Variants in SHC4 observed in about 807,000 individuals in gnomAD.
The protein encoded by SHC4 is SHC adaptor protein 4, also known as SHC-transforming protein 4.
In SHC4, 41 loss-of-function variants were observed where a neutral mutation model predicts 69.4. That is an observed-to-expected ratio of 0.59 (90% CI 0.46 to 0.77). The LOEUF (loss-of-function observed/expected upper bound fraction) is 0.77, where lower values mean the gene tolerates loss of function less well. Among genes scored for constraint, SHC4 ranks in the 30% least tolerant of loss-of-function variants. The pLI, the probability that SHC4 is intolerant of heterozygous loss-of-function variation, is 0.00. For synonymous variants in SHC4, 318 were observed against 299.3 expected, an observed-to-expected ratio of 1.06 and a Z score of -0.64; for missense variants, 777 against 783.8, an observed-to-expected ratio of 0.99 and a Z score of 0.10.
chr15:48,881,671 A>T (rs1296357974), intron 4 of SHC4, among the ~76,000 whole-genome samples: 1 of 152,210 alleles, frequency 6.6e-6, no homozygotes, highest in Non-Finnish European at 1.5e-5. Context: ...TCAGTAAAGA[A>T]TTAGTGGGAG....
intron 3 of SHC4, 128 bp downstream of exon 3, chr15:48,890,620 G>T: frequency 9.8e-7 from 1 of 1,022,836 alleles, no homozygotes; most frequent in Non-Finnish European, 1.5e-6. Flanking sequence ...GTGCAGCTCT[G>T]ATATCACGCC....
intron 9 of SHC4, among the ~76,000 whole-genome samples, chr15:48,848,359 C>T (rs1288086207): frequency 1.3e-5 from 2 of 152,188 alleles, no homozygotes. Context: ...TTCTTAACTG[C>T]AAACACCATC....
chr15:48,873,908 T>C (rs1320397609), intron 4 of SHC4, among the ~76,000 whole-genome samples: 1 of 152,164 alleles, frequency 6.6e-6, no homozygotes, highest in Non-Finnish European at 1.5e-5. Flanking sequence ...TATATATCAC[T>C]CTCATGGATG....
At position 48,851,190 on chromosome 15, in the gene SHC4, A is replaced by G. The variant is rs1402389513; in HGVS notation, c.1301T>C (p.Ile434Thr). 6.2e-7 allele frequency: 1 copy of G among 1,613,982 alleles called. No individual in the cohort carries two copies. Among genetic ancestry groups the G allele is most frequent in the African/African-American group, 1.3e-5 (1 of 75,062 alleles). Residue 434 changes from isoleucine (I) to threonine (T), a missense_variant and splice_region_variant, in exon 9 of 12, where the codon ATA becomes ACA. By Grantham distance (89) the Ile-to-Thr change is moderately conservative. Transcript: ENST00000332408. Reference protein sequence around the residue: ...YENCLEQSRAIGNVHPRGVQS... With the variant: ...YENCLEQSRATGNVHPRGVQS... The stretch of plus-strand genomic sequence containing the variant: ...ATGGAGAAGGGCATTGTACCTACCT[A>G]TTGCCCTGCTTTGTTCTAAACAGTT...
At chr15:48,897,172 T>G (rs928733697) in intron 2 of SHC4, among the ~76,000 whole-genome samples, 1 of 152,126 alleles carries the variant, frequency 6.6e-6, no homozygotes, top group Non-Finnish European at 1.5e-5. Context: ...GGCTAAAGAT[T>G]TCCATCCTGG....
chr15:48,868,048 T>G (rs1389587298), intron 5 of SHC4, among the ~76,000 whole-genome samples, 179 bp from the exon 6 acceptor site: 1 of 152,210 alleles, frequency 6.6e-6, no homozygotes, highest in Non-Finnish European at 1.5e-5. Context: ...GTTTAACAAT[T>G]ATGGAGTCCA....
At chr15:48,882,726 C>A (rs577642162) in intron 4 of SHC4, among the ~76,000 whole-genome samples, 1 of 152,278 alleles carries the variant, frequency 6.6e-6, no homozygotes, top group Admixed American at 6.5e-5. Flanking sequence ...CTGAGATAAC[C>A]CGAGGGCTCC....
intron 10 of SHC4, among the ~76,000 whole-genome samples, chr15:48,836,334 T>C (rs1295097450): frequency 6.6e-6 from 1 of 152,168 alleles, no homozygotes; most frequent in African/African-American, 2.4e-5. Context: ...TGTGAAAATC[T>C]TTCTTTTAGT....
chr15:48,892,863 CAAA>C (rs11391011), intron 2 of SHC4, among the ~76,000 whole-genome samples: 2 of 72,828 alleles, frequency 2.7e-5, no homozygotes, highest in Admixed American at 1.3e-4. Flanking sequence ...AACTCCGTCT[CAAA>C]AAAAAAAAAA....
At position 48,890,719 on chromosome 15, in the gene SHC4, A is replaced by T. The variant is rs111852929; in HGVS notation, c.720+29T>A. ...CTATCTTTGCCATAATTAGGGAAAC[A>T]TAAACAAGAAAACCACATCATCATT... On this transcript the variant is annotated intron_variant, in intron 3 of 11. Coordinates refer to ENST00000332408, the MANE Select transcript of SHC4 (RefSeq NM_203349.4). 586 of 1,612,986 alleles carry T rather than the reference A, an allele frequency of 3.6e-4. 1 individual carries two copies. In the African/African-American group the frequency reaches 7.2e-3, roughly 20 times the overall value.
At position 48,941,572 on chromosome 15, in the gene SHC4, C is replaced by T. The variant is rs535266566; in HGVS notation, c.586-16623G>A. Among the ~76,000 whole-genome samples the T allele has an allele frequency of 6.6e-5, 10 of 152,086 alleles. No individual in the cohort carries two copies. The South Asian group carries it at 8.3e-4, about 13-fold the overall frequency. On this transcript the variant is annotated intron_variant, in intron 1 of 11. Coordinates refer to ENST00000332408, the MANE Select transcript of SHC4 (RefSeq NM_203349.4). The stretch of plus-strand genomic sequence containing the variant: ...TAACAGGAGAAAAGAGAAATAATGG[C>T]GAGATCACAGTCCCTGGGGAGGCAG...
chr15:48,928,288 G>A (rs1900892892), intron 1 of SHC4, among the ~76,000 whole-genome samples: 1 of 152,224 alleles, frequency 6.6e-6, no homozygotes, highest in South Asian at 2.1e-4. Flanking sequence ...TTGTAGTGAA[G>A]TGGGAAGCTG....
chr15:48,860,087 A>G (rs1899411530), intron 6 of SHC4, among the ~76,000 whole-genome samples: 1 of 152,208 alleles, frequency 6.6e-6, no homozygotes, highest in South Asian at 2.1e-4. Flanking sequence ...AGCTTACATA[A>G]TATCAAGTAT....
At chr15:48,826,345 G>T (rs943403043) in intron 11 of SHC4, among the ~76,000 whole-genome samples, 27 of 151,118 alleles carry the variant, frequency 1.8e-4, no homozygotes, top group Non-Finnish European at 2.9e-4. Flanking sequence ...TCCACCTCCT[G>T]GGTTCACGCA....
intron 8 of SHC4, among the ~76,000 whole-genome samples, chr15:48,854,611 T>G (rs1357712167): frequency 6.6e-6 from 1 of 152,198 alleles, no homozygotes; most frequent in African/African-American, 2.4e-5. Context: ...ATGTGGTACA[T>G]ATACACCATG....
At chr15:48,921,801 TG>T (rs1595758422) in intron 2 of SHC4, among the ~76,000 whole-genome samples, 1 of 152,372 alleles carries the variant, frequency 6.6e-6, no homozygotes, top group East Asian at 1.9e-4. Context: ...AATCTTGTTA[TG>T]TGTATTTTAC....
intron 7 of SHC4, among the ~76,000 whole-genome samples, chr15:48,857,060 T>G (rs1255274421): frequency 6.6e-6 from 1 of 152,190 alleles, no homozygotes; most frequent in Non-Finnish European, 1.5e-5. Context: ...GTTTTGTTTC[T>G]CCGGCATGAA....
intron 4 of SHC4, chr15:48,878,386 G>A (rs1567059622): frequency 6.2e-7 from 1 of 1,612,542 alleles, no homozygotes; most frequent in Non-Finnish European, 8.5e-7. Context: ...CGGCGCCAGA[G>A]GGGAAACGGA....
In SHC4 at chr15:48,939,459, G is replaced by T. The variant is rs542215614; in HGVS notation, c.586-14510C>A. Among the ~76,000 whole-genome samples, 9 of 152,340 alleles carry T rather than the reference G, an allele frequency of 5.9e-5. No homozygotes were observed. The East Asian group carries it at 1.5e-3, about 26-fold the overall frequency. Reference sequence around the variant, plus strand: ...AATACTTCAATATGACTAATGTCCAGGGATATGGCTGAGATATCAGCAGGG... The same window carrying T: ...AATACTTCAATATGACTAATGTCCATGGATATGGCTGAGATATCAGCAGGG... On this transcript the variant is annotated intron_variant, in intron 1 of 11. Coordinates refer to ENST00000332408, the MANE Select transcript of SHC4 (RefSeq NM_203349.4).
Sources: allele counts gnomAD v4.1 joint callset (sites outside exome capture counted in the v4.1 genomes callset), GRCh38; gene constraint gnomAD v4.1.1; transcripts MANE v1.5; gene names NCBI Gene and HGNC (gene_info 2026-07-23, HGNC 2026-07-21).